IL1RAPL1: variants seen among roughly 807,000 people sequenced by gnomAD.
The protein encoded by IL1RAPL1 is interleukin 1 receptor accessory protein like 1.
A neutral mutation model predicts 48.4 loss-of-function variants in IL1RAPL1; 3 were observed. The observed-to-expected ratio is 0.06, with a 90% CI of 0.03 to 0.16. The LOEUF (loss-of-function observed/expected upper bound fraction) is 0.16. Ranked by LOEUF, IL1RAPL1 falls within the 10% of genes least tolerant of loss-of-function variation. The pLI, the probability that IL1RAPL1 is intolerant of heterozygous loss-of-function variation, is 1.00. For synonymous variants in IL1RAPL1, 185 were observed against 187.7 expected, an observed-to-expected ratio of 0.99 and a Z score of 0.12; for missense variants, 349 against 530.6, an observed-to-expected ratio of 0.66 and a Z score of 3.36.
chrX:29,916,040 G>C (rs370526191), intron 6 of IL1RAPL1, among the ~76,000 whole-genome samples: 1 of 100,514 alleles, frequency 9.9e-6, no homozygotes, highest in Non-Finnish European at 2.0e-5. Context: ...GAGAATGATG[G>C]TTTCCAGTTT....
chrX:28,655,163 A>G (rs1934735387), intron 1 of IL1RAPL1, among the ~76,000 whole-genome samples: 1 of 111,834 alleles, frequency 8.9e-6, no homozygotes, highest in South Asian at 3.7e-4. Context: ...CACTTATATA[A>G]GAAATCCTTG....
intron 5 of IL1RAPL1, among the ~76,000 whole-genome samples, chrX:29,506,432 T>C (rs867888182): frequency 4.7e-3 from 102 of 21,522 alleles, no homozygotes; most frequent in Middle Eastern, 0.025. Context: ...TTCTTCTCCT[T>C]CTCCTTCTCC....
chrX:29,182,724 C>G (rs1297337666), intron 2 of IL1RAPL1, among the ~76,000 whole-genome samples: 1 of 111,121 alleles, frequency 9.0e-6, no homozygotes, highest in Non-Finnish European at 1.9e-5. Context: ...AATGGCCTTC[C>G]CAAAGACATT....
At chrX:29,833,363 T>TG (rs963922211) in intron 6 of IL1RAPL1, among the ~76,000 whole-genome samples, 9 of 110,646 alleles carry the variant, frequency 8.1e-5, no homozygotes, top group African/African-American at 3.0e-4. Flanking sequence ...TTTTTTAACT[T>TG]GGGGGGTTCT....
At chrX:29,648,820 A>G (rs924120847) in intron 5 of IL1RAPL1, among the ~76,000 whole-genome samples, 17 of 111,536 alleles carry the variant, frequency 1.5e-4, no homozygotes, top group African/African-American at 4.5e-4. Context: ...CAGAAAAACA[A>G]TACAAGAGAT....
intron 5 of IL1RAPL1, among the ~76,000 whole-genome samples, chrX:29,601,141 A>G (rs2147062076): frequency 8.9e-6 from 1 of 112,383 alleles, no homozygotes; most frequent in East Asian, 2.8e-4. Flanking sequence ...CCTGAAAGTA[A>G]ATAGATTTAC....
At chrX:29,853,407 G>A (rs775946341) in intron 6 of IL1RAPL1, among the ~76,000 whole-genome samples, 5 of 110,272 alleles carry the variant, frequency 4.5e-5, no homozygotes, top group East Asian at 5.7e-4. Flanking sequence ...TTAGTAAGCC[G>A]TGATTGCACA....
In IL1RAPL1 at chrX:29,399,236, A is replaced by G. The variant is rs756024054; in HGVS notation, c.631A>G (p.Ile211Val). The change falls in exon 5 of 11, where the codon ATT becomes GTT. Residue 211 changes from isoleucine (I) to valine (V), a missense_variant. Ile to Val is a conservative substitution (Grantham distance 29). Transcript: ENST00000378993. ...TATAAGAGAAGTCAGAGAAGATGACATTGGAAATTATACCTGTGAATTAAA... is the reference window on the plus strand; with the variant it reads ...TATAAGAGAAGTCAGAGAAGATGACGTTGGAAATTATACCTGTGAATTAAA... ...LLIREVREDD[I>V]GNYTCELKYG... is the part of the protein sequence containing the mutation. 8.4e-7 allele frequency: 1 copy of G among 1,192,182 alleles called. No homozygotes were observed. Among genetic ancestry groups the G allele is most frequent in the African/African-American group, 1.7e-5 (1 of 57,513 alleles).
Position 29,306,269 on chromosome X carries a change from G to A in IL1RAPL1, c.362+23052G>A, listed in dbSNP as rs749052918. Among the ~76,000 whole-genome samples, 4 of 111,807 alleles carry A rather than the reference G, an allele frequency of 3.6e-5. No homozygotes were observed. In the South Asian group the frequency reaches 1.5e-3, roughly 41 times the overall value. ...TGGGGGGCCGGGCGCGGTGGCTCAC[G>A]CCTGTAATCCCAGCACTTTGGGAGG... is the stretch of plus-strand genomic sequence containing the variant. On this transcript the variant is annotated intron_variant, in intron 3 of 10. Transcript: ENST00000378993.
At chrX:29,928,894 T>C (rs1436695769) in intron 8 of IL1RAPL1, among the ~76,000 whole-genome samples, 4 of 111,726 alleles carry the variant, frequency 3.6e-5, no homozygotes, top group African/African-American at 1.3e-4. Flanking sequence ...GGTCATATAG[T>C]AGGGAGAAAA....
At chrX:29,715,807 T>G (rs976480423) in intron 6 of IL1RAPL1, among the ~76,000 whole-genome samples, 2 of 112,204 alleles carry the variant, frequency 1.8e-5, no homozygotes, top group Non-Finnish European at 3.8e-5. Context: ...AATCTATCTA[T>G]TCAATAAACT....
chrX:29,610,329 C>G (rs2147067777), intron 5 of IL1RAPL1, among the ~76,000 whole-genome samples: 1 of 111,710 alleles, frequency 9.0e-6, no homozygotes, highest in South Asian at 3.8e-4. Flanking sequence ...AATTCAAAAG[C>G]TGTTCTTGAC....
intron 2 of IL1RAPL1, among the ~76,000 whole-genome samples, chrX:29,180,054 G>T (rs1930112357): frequency 9.2e-6 from 1 of 109,160 alleles, no homozygotes; most frequent in Non-Finnish European, 1.9e-5. Context: ...ATCTACTTTA[G>T]GCTTATTGAT....
In IL1RAPL1 at chrX:29,818,880, C is replaced by T. The variant is rs570307085; in HGVS notation, c.779-98584C>T. Among the ~76,000 whole-genome samples, 4 of 112,286 alleles carry T rather than the reference C, an allele frequency of 3.6e-5. No individual in the cohort carries two copies. The South Asian group carries it at 1.5e-3, about 41-fold the overall frequency. On this transcript the variant is annotated intron_variant, in intron 6 of 10. Coordinates refer to ENST00000378993, the MANE Select transcript of IL1RAPL1 (RefSeq NM_014271.4). ...CTCAAACAGTATATATCACAAATAT[C>T]TTAACTAGTGCGAACCCAGAATCCA...
chrX:29,523,898 T>C (rs1935527026), intron 5 of IL1RAPL1, among the ~76,000 whole-genome samples: 1 of 111,246 alleles, frequency 9.0e-6, no homozygotes, highest in African/African-American at 3.3e-5. Context: ...GATCTACCCA[T>C]GGGAGGAAAA....
intron 2 of IL1RAPL1, among the ~76,000 whole-genome samples, chrX:29,273,674 G>C (rs1197374253): frequency 1.8e-5 from 2 of 111,776 alleles, no homozygotes; most frequent in Non-Finnish European, 3.8e-5. Context: ...GGGCACCAGT[G>C]GGGGCAGGGT....
intron 2 of IL1RAPL1, among the ~76,000 whole-genome samples, chrX:28,863,932 T>G (rs1336173142): frequency 8.9e-6 from 1 of 112,066 alleles, no homozygotes; most frequent in Non-Finnish European, 1.9e-5. Context: ...CCTGCCTTAT[T>G]TTTTGCATAT....
chrX:28,687,872 C>G (rs1935130806), intron 1 of IL1RAPL1, among the ~76,000 whole-genome samples: 1 of 110,767 alleles, frequency 9.0e-6, no homozygotes, highest in Non-Finnish European at 1.9e-5. Flanking sequence ...GAGGCTGAGG[C>G]AGGCAGATCA....
At chrX:29,613,712 CGTGTGTGTGTGTGTGTGTGTGTGT>C (rs753582133) in intron 5 of IL1RAPL1, among the ~76,000 whole-genome samples, 2 of 58,814 alleles carry the variant, frequency 3.4e-5, no homozygotes, top group South Asian at 1.5e-3. Flanking sequence ...GGGTTTTTTT[CGTGTGTGTGTGTGTGTGTGTGTGT>C]GTGTGTGTGT....
Sources: allele counts gnomAD v4.1 joint callset (sites outside exome capture counted in the v4.1 genomes callset), GRCh38; gene constraint gnomAD v4.1.1; transcripts MANE v1.5; gene names NCBI Gene and HGNC (gene_info 2026-07-23, HGNC 2026-07-21).